The following FGF14 variants were observed in gnomAD, a reference collection of about 807,000 sequenced individuals.
The protein encoded by FGF14 is fibroblast growth factor homologous factor 4.
FGF14 carries 5 observed loss-of-function variants against 25.5 expected under a neutral mutation model. The ratio of observed to expected loss-of-function variants is 0.20; its 90% confidence interval spans 0.10 to 0.41. The LOEUF (loss-of-function observed/expected upper bound fraction) is 0.41, where lower values mean the gene tolerates loss of function less well. Ranked by LOEUF, FGF14 falls within the 10% of genes least tolerant of loss-of-function variation. FGF14 has a pLI of 1.00. For missense variants in FGF14, 222 were observed against 320.1 expected (o/e 0.69, Z 2.34); for synonymous variants, 138 against 118.3 (o/e 1.17, Z -1.08).
intron 3 of FGF14, among the ~76,000 whole-genome samples, chr13:101,813,603 T>C (rs1300568694): frequency 6.6e-6 from 1 of 152,190 alleles, no homozygotes. Flanking sequence ...TTTGTTATAG[T>C]AGCACAAACA....
At chr13:102,250,902 T>C (rs1684824137) in intron 1 of FGF14, among the ~76,000 whole-genome samples, 2 of 152,208 alleles carry the variant, frequency 1.3e-5, no homozygotes, top group African/African-American at 4.8e-5. Context: ...AATTTTGTAA[T>C]AAAATATCTT....
intron 1 of FGF14, among the ~76,000 whole-genome samples, chr13:102,291,285 T>C (rs572248332): frequency 7.2e-4 from 109 of 152,226 alleles, no homozygotes; most frequent in Non-Finnish European, 1.4e-3. Flanking sequence ...CTTTTCTTCT[T>C]TTGAAACTGT....
At chr13:101,960,835 C>T (rs2036808279) in intron 1 of FGF14, among the ~76,000 whole-genome samples, 1 of 152,204 alleles carries the variant, frequency 6.6e-6, no homozygotes, top group African/African-American at 2.4e-5. Flanking sequence ...CCTATTTCTC[C>T]TCAGCATTGT....
At chr13:101,856,809 C>A (rs893511358) in intron 3 of FGF14, among the ~76,000 whole-genome samples, 2 of 152,012 alleles carry the variant, frequency 1.3e-5, no homozygotes, top group Non-Finnish European at 2.9e-5. Flanking sequence ...ACATTGATTT[C>A]TTCAAAGCTA....
In FGF14 at chr13:101,716,888, T is replaced by C. The variant is rs931720770; in HGVS notation, c.*5943A>G. The C allele has an allele frequency of 1.3e-5, 2 of 152,102 alleles. No homozygotes were observed. Among genetic ancestry groups the C allele is most frequent in the African/African-American group, 2.4e-5 (1 of 41,442 alleles). 9.4% of individuals were successfully genotyped at this position (152,102 alleles called of 1,614,324 possible). On this transcript the variant is annotated 3_prime_UTR_variant, in exon 5 of 5. Transcript: ENST00000376143. The stretch of plus-strand genomic sequence containing the variant: ...GTTTATTTTCTTAATGGTGAAACTT[T>C]GCTTTGTATGAAATTCACATTGAAT...
At chr13:101,735,809 A>C (rs1250680331) in intron 3 of FGF14, among the ~76,000 whole-genome samples, 1 of 152,190 alleles carries the variant, frequency 6.6e-6, no homozygotes, top group Non-Finnish European at 1.5e-5. Flanking sequence ...TCAGCTTCTC[A>C]AAGGTACATT....
chr13:102,139,393 C>T (rs1483533160), intron 1 of FGF14, among the ~76,000 whole-genome samples: 2 of 151,606 alleles, frequency 1.3e-5, no homozygotes, highest in Non-Finnish European at 2.9e-5. Context: ...GAGTGAGACC[C>T]TATCTCAAGA....
chr13:102,248,206 A>G (rs1011935401), intron 1 of FGF14, among the ~76,000 whole-genome samples: 1 of 152,186 alleles, frequency 6.6e-6, no homozygotes. Context: ...GAGTTTATCT[A>G]TTTAACAAAC....
chr13:101,916,458 C>T lies in FGF14; in HGVS notation c.188G>A (p.Arg63His), dbSNP rs923051393. The stretch of plus-strand genomic sequence containing the variant: ...CGACCATGACCCCCACAGACCTTGG[C>T]GCCGCAACCTGCGCTTCTTGAGGCC... ...IFGLKKRRLRRQDPQLKGIVT... is the reference protein window; with the variant it reads ...IFGLKKRRLRHQDPQLKGIVT... Residue 63 changes from arginine (R) to histidine (H), a missense_variant, in exon 1 of 5, where the codon CGC (arginine) becomes CAC (histidine). Arg to His is a conservative substitution (Grantham distance 29, BLOSUM62 0). Around this residue, in one of 5 missense-constraint regions of FGF14, gnomAD observed 80 missense variants for 72.2 expected, o/e 1.11. Coordinates refer to ENST00000376143, the MANE Select transcript of FGF14 (RefSeq NM_004115.4). 6.2e-6 allele frequency: 10 copies of T among 1,613,822 alleles called. No homozygotes were observed. Among genetic ancestry groups the T allele is most frequent in the Admixed American group, 1.7e-5 (1 of 60,006 alleles).
In FGF14 at chr13:102,384,141, A is replaced by AT. The variant is rs560109604; in HGVS notation, c.208+17329dup. Among the ~76,000 whole-genome samples, 1,116 of 151,634 alleles carry AT rather than the reference A, an allele frequency of 7.4e-3. 11 individuals carry two copies. The highest frequency in any genetic ancestry group is 0.019 in the African/African-American group (772 of 41,374). Reference sequence around the variant, plus strand: ...TAGCATTTCTGTTACATGATTTATAATTTTTTTTTGAGATGTAGCAAAAAA... The same window carrying AT: ...TAGCATTTCTGTTACATGATTTATAATTTTTTTTTTGAGATGTAGCAAAAAA... On this transcript the variant is annotated intron_variant, in intron 1 of 4. Coordinates refer to the FGF14 transcript ENST00000376131.
At chr13:102,100,959 C>T (rs574942124) in intron 1 of FGF14, among the ~76,000 whole-genome samples, 2 of 152,188 alleles carry the variant, frequency 1.3e-5, no homozygotes, top group African/African-American at 2.4e-5. Context: ...ATTAGCCAGG[C>T]ATGATGGTGG....
chr13:102,228,115 T>C (rs560281762), intron 1 of FGF14, among the ~76,000 whole-genome samples: 2 of 152,340 alleles, frequency 1.3e-5, no homozygotes, highest in African/African-American at 4.8e-5. Flanking sequence ...ACATGCTCTT[T>C]TGATTTCTTC....
intron 1 of FGF14, among the ~76,000 whole-genome samples, chr13:102,170,596 A>G (rs2048207654): frequency 2.0e-5 from 3 of 152,184 alleles, no homozygotes; most frequent in African/African-American, 7.2e-5. Flanking sequence ...GACCAAGGAC[A>G]CAAGGCAGCT....
At chr13:102,070,660 A>T (rs186967289) in intron 1 of FGF14, among the ~76,000 whole-genome samples, 1 of 152,342 alleles carries the variant, frequency 6.6e-6, no homozygotes, top group Admixed American at 6.5e-5. Context: ...AATGAAGAAA[A>T]TATGTATATG....
chr13:102,214,474 C>T (rs1317258286), intron 1 of FGF14, among the ~76,000 whole-genome samples: 2 of 152,082 alleles, frequency 1.3e-5, no homozygotes, highest in African/African-American at 2.4e-5. Flanking sequence ...GGATCCACAG[C>T]CTTTTATGAA....
intron 1 of FGF14, among the ~76,000 whole-genome samples, chr13:102,233,947 A>T (rs2051202972): frequency 6.6e-6 from 1 of 152,216 alleles, no homozygotes; most frequent in African/African-American, 2.4e-5. Context: ...TCCATATTTG[A>T]CTACTATATG....
intron 1 of FGF14, among the ~76,000 whole-genome samples, chr13:101,947,995 T>C (rs1326362336): frequency 6.6e-6 from 1 of 152,252 alleles, no homozygotes; most frequent in Non-Finnish European, 1.5e-5. Context: ...TAAAGTTTCA[T>C]GTTTTAAAGA....
intron 1 of FGF14, among the ~76,000 whole-genome samples, chr13:102,021,489 T>C (rs1257384349): frequency 2.0e-5 from 3 of 151,880 alleles, no homozygotes; most frequent in South Asian, 2.1e-4. Context: ...TCTTACTCTT[T>C]CTTGGTGGTG....
Position 101,735,489 on chromosome 13 carries a change from G to T in FGF14, c.409-8679C>A, listed in dbSNP as rs1219154233. ...TAAGGAGCAAAAAGGTAAAGAAAAA[G>T]AAGCATATTTTAAAAAGAGTTTTTA... On this transcript the variant is annotated intron_variant, in intron 3 of 4. Transcript: ENST00000376143. 2.0e-5 allele frequency among the ~76,000 whole-genome samples: 3 copies of T among 152,116 alleles called. No homozygotes were observed. The East Asian group carries it at 5.8e-4, about 29-fold the overall frequency.
Sources: allele counts gnomAD v4.1 joint callset (sites outside exome capture counted in the v4.1 genomes callset), GRCh38; gene constraint gnomAD v4.1.1; regional missense constraint gnomAD v4.1.1; transcripts MANE v1.5; gene names NCBI Gene and HGNC (gene_info 2026-07-23, HGNC 2026-07-21).